The following GPR155 variants were observed in gnomAD, a reference collection of about 807,000 sequenced individuals.
The protein encoded by GPR155 is G protein-coupled receptor 155.
A neutral mutation model predicts 93.1 loss-of-function variants in GPR155; 65 were observed. The ratio of observed to expected loss-of-function variants is 0.70; its 90% confidence interval spans 0.57 to 0.86. The LOEUF is 0.86. Among genes scored for constraint, GPR155 ranks in the 40% least tolerant of loss-of-function variants. The pLI is 0.00. For missense variants in GPR155, 838 were observed against 1,034.8 expected, an observed-to-expected ratio of 0.81 and a Z score of 2.61; for synonymous variants, 319 against 360.1, an observed-to-expected ratio of 0.89 and a Z score of 1.29.
intron 11 of GPR155, among the ~76,000 whole-genome samples, chr2:174,452,247 C>T (rs1441528128): frequency 6.6e-6 from 1 of 152,116 alleles, no homozygotes; most frequent in Non-Finnish European, 1.5e-5. Flanking sequence ...GTTTTCACTA[C>T]TTTTTATGGA....
In GPR155 at chr2:174,478,933, C is replaced by A. The variant is rs140022909; in HGVS notation, c.460+2564G>T. ...TACCTCATCAGGCAGCAGATACTCACCCCTAATAGTTCTACATCACACCTT... is the reference window on the plus strand; with the variant it reads ...TACCTCATCAGGCAGCAGATACTCAACCCTAATAGTTCTACATCACACCTT... On this transcript the variant is annotated intron_variant, in intron 2 of 15. Coordinates refer to ENST00000392552, the MANE Select transcript of GPR155 (RefSeq NM_152529.7). Among the ~76,000 whole-genome samples the A allele has an allele frequency of 5.6e-3, 856 of 151,912 alleles. 9 individuals carry two copies. Among genetic ancestry groups the A allele is most frequent in the African/African-American group, 0.02 (821 of 41,430 alleles).
At chr2:174,476,432 C>A (rs1399011114) in intron 2 of GPR155, among the ~76,000 whole-genome samples, 6 of 151,972 alleles carry the variant, frequency 3.9e-5, no homozygotes, top group Admixed American at 3.9e-4. Context: ...GGTGAAACCC[C>A]ATCTCTACTA....
At position 174,432,464 on chromosome 2, in the gene GPR155, T is replaced by A. The variant is rs1686664515; in HGVS notation, c.*3652A>T. 1 of 152,388 alleles carries A rather than the reference T, an allele frequency of 6.6e-6. No individual in the cohort carries two copies. The highest frequency in any genetic ancestry group is 1.9e-4 in the East Asian group (1 of 5,200). The allele number at this position is 152,388 out of a possible 1,614,324, so 9.4% of individuals were successfully genotyped here. A position where few individuals can be genotyped will look rare whatever the true frequency, so the allele number is the denominator to read the frequency against. ...CCATTCATGCAAATAACAGAAGTAG[T>A]ATGACTTGTTCACAAACAAATTCTC... On this transcript the variant is annotated 3_prime_UTR_variant, in exon 16 of 16. Coordinates refer to ENST00000392552, the MANE Select transcript of GPR155 (RefSeq NM_152529.7).
At chr2:174,449,955 G>T (rs553969992) in intron 11 of GPR155, among the ~76,000 whole-genome samples, 1 of 151,926 alleles carries the variant, frequency 6.6e-6, no homozygotes, top group Non-Finnish European at 1.5e-5. Flanking sequence ...CAGCCTGGAC[G>T]ACAGAGCGAG....
At chr2:174,438,066 C>T (rs1039955765) in intron 15 of GPR155, among the ~76,000 whole-genome samples, 1 of 151,564 alleles carries the variant, frequency 6.6e-6, no homozygotes, top group African/African-American at 2.4e-5. Context: ...ACCAGCCTGG[C>T]CAACATGGCA....
chr2:174,466,264 T>C (rs186396746), intron 6 of GPR155, among the ~76,000 whole-genome samples: 24 of 152,254 alleles, frequency 1.6e-4, no homozygotes, highest in African/African-American at 5.5e-4. Flanking sequence ...ATTAGAAAAA[T>C]GATTGTGAAA....
intron 10 of GPR155, among the ~76,000 whole-genome samples, chr2:174,454,952 G>C (rs1234674642): frequency 6.6e-6 from 1 of 152,036 alleles, no homozygotes; most frequent in Non-Finnish European, 1.5e-5. Context: ...GCAGGGATGG[G>C]GTCAACAGGT....
intron 3 of GPR155, among the ~76,000 whole-genome samples, chr2:174,471,927 A>G (rs1417912519): frequency 6.6e-6 from 1 of 152,184 alleles, no homozygotes; most frequent in Non-Finnish European, 1.5e-5. Context: ...ATTCATTTTT[A>G]TTATTATGAA....
chr2:174,468,401 T>C (rs1480389072), intron 5 of GPR155, among the ~76,000 whole-genome samples: 1 of 152,206 alleles, frequency 6.6e-6, no homozygotes, highest in Non-Finnish European at 1.5e-5. Context: ...TTTAGTTAGA[T>C]ATATTCAGTT....
intron 13 of GPR155, among the ~76,000 whole-genome samples, chr2:174,444,486 C>CTTTT (rs71024807): frequency 5.6e-4 from 50 of 89,588 alleles, no homozygotes; most frequent in Non-Finnish European, 6.5e-4. Flanking sequence ...CCAAAGTGAC[C>CTTTT]TTTTTTTTTT....
chr2:174,453,449 A>G (rs1374441563), intron 11 of GPR155, among the ~76,000 whole-genome samples: 1 of 152,102 alleles, frequency 6.6e-6, no homozygotes, highest in Non-Finnish European at 1.5e-5. Context: ...TCACGAGGTC[A>G]GGAGATCGAG....
At chr2:174,456,043 T>C (rs1186041701) in intron 10 of GPR155, among the ~76,000 whole-genome samples, 2 of 152,016 alleles carry the variant, frequency 1.3e-5, no homozygotes, top group Non-Finnish European at 2.9e-5. Flanking sequence ...GGTTTCACCA[T>C]GTTGGCCAGG....
chr2:174,469,759 AC>A (rs1687939346), intron 4 of GPR155, among the ~76,000 whole-genome samples: 1 of 152,232 alleles, frequency 6.6e-6, no homozygotes. Context: ...AACTAAAAAA[AC>A]TGATTAAAAA....
intron 15 of GPR155, among the ~76,000 whole-genome samples, chr2:174,439,679 A>G (rs1446496088): frequency 6.6e-6 from 1 of 152,218 alleles, no homozygotes; most frequent in Non-Finnish European, 1.5e-5. Context: ...CAGAAGTTAT[A>G]TGACATTTTT....
chr2:174,460,094 G>A lies in GPR155; in HGVS notation c.1561-6C>T, dbSNP rs1211515546. On this transcript the variant is annotated splice_polypyrimidine_tract_variant and splice_region_variant and intron_variant, in intron 9 of 15. Coordinates refer to ENST00000392552, the MANE Select transcript of GPR155 (RefSeq NM_152529.7). ...GTGACTGCTGTGGTGATCATCTGCC[G>A]ACATGAAAAAAAGATATCAGGCCAC... The A allele has an allele frequency of 6.9e-6, 11 of 1,597,558 alleles. No individual in the cohort carries two copies. The highest frequency in any genetic ancestry group is 1.7e-5 in the Admixed American group (1 of 57,692).
chr2:174,479,734 T>G (rs1688266373), intron 2 of GPR155, among the ~76,000 whole-genome samples: 1 of 152,250 alleles, frequency 6.6e-6, no homozygotes, highest in Non-Finnish European at 1.5e-5. Flanking sequence ...TCTAAGGTCC[T>G]TATACCATAA....
intron 11 of GPR155, among the ~76,000 whole-genome samples, chr2:174,448,828 C>T (rs1241601690): frequency 2.0e-5 from 3 of 152,038 alleles, no homozygotes; most frequent in East Asian, 3.9e-4. Flanking sequence ...TGAGCCACCG[C>T]GCCCGGCCTA....
chr2:174,448,423 G>T (rs1224972641), intron 11 of GPR155, among the ~76,000 whole-genome samples: 1 of 151,450 alleles, frequency 6.6e-6, no homozygotes, highest in African/African-American at 2.4e-5. Context: ...GAAAACCTAG[G>T]AAACACCATT....
At chr2:174,475,506 T>A (rs1245586142) in intron 2 of GPR155, among the ~76,000 whole-genome samples, 1 of 151,622 alleles carries the variant, frequency 6.6e-6, no homozygotes, top group African/African-American at 2.4e-5. Context: ...TATTTTTTTT[T>A]AACAGATTCA....
Sources: allele counts gnomAD v4.1 joint callset (sites outside exome capture counted in the v4.1 genomes callset), GRCh38; gene constraint gnomAD v4.1.1; transcripts MANE v1.5; gene names NCBI Gene and HGNC (gene_info 2026-07-23, HGNC 2026-07-21).